The following SNX4 variants were observed in gnomAD, a reference collection of about 807,000 sequenced individuals.
SNX4 encodes sorting nexin 4.
A neutral mutation model predicts 70.8 loss-of-function variants in SNX4; 49 were observed. The observed-to-expected ratio is 0.69, with a 90% CI of 0.55 to 0.88. The LOEUF is 0.88. SNX4 is among the 40% of genes least tolerant of loss of function. SNX4 has a pLI of 0.00. For synonymous variants in SNX4, 206 were observed against 183.8 expected, an observed-to-expected ratio of 1.12 and a Z score of -0.98; for missense variants, 528 against 544.8, an observed-to-expected ratio of 0.97 and a Z score of 0.31.
chr3:125,509,839 A>C (rs1935133026), intron 1 of SNX4, among the ~76,000 whole-genome samples: 1 of 152,086 alleles, frequency 6.6e-6, no homozygotes, highest in Non-Finnish European at 1.5e-5. Flanking sequence ...TTTTCTGAAG[A>C]AGCACATGAA....
intron 7 of SNX4, among the ~76,000 whole-genome samples, chr3:125,479,892 C>G (rs76030193): frequency 0.048 from 7,322 of 152,100 alleles, 415 homozygotes; most frequent in African/African-American, 0.13. Context: ...ACAGGATGGC[C>G]TAACACCTAT....
intron 2 of SNX4, among the ~76,000 whole-genome samples, chr3:125,500,568 G>A (rs528394538): frequency 3.6e-4 from 55 of 152,056 alleles, no homozygotes; most frequent in African/African-American, 1.3e-3. Context: ...TTGGGAGGCC[G>A]AGGAGGGTGG....
intron 5 of SNX4, among the ~76,000 whole-genome samples, chr3:125,495,614 T>C (rs1934777020): frequency 1.3e-5 from 2 of 152,008 alleles, no homozygotes; most frequent in African/African-American, 4.8e-5. Flanking sequence ...AAGCAGCACC[T>C]ACACATAAGA....
chr3:125,454,301 G>A (rs1008717905), intron 11 of SNX4, among the ~76,000 whole-genome samples: 2 of 152,316 alleles, frequency 1.3e-5, no homozygotes, highest in African/African-American at 4.8e-5. Flanking sequence ...CCTGAGCTCT[G>A]CCTCCTGTCA....
rs1934845198 is a variant in SNX4 at position 125,498,192 on chromosome 3, G to A, written c.266C>T (p.Ser89Leu). Residue 89 changes from serine (S) to leucine (L), a missense_variant and splice_region_variant, in exon 3 of 14, where the codon TCA (serine) becomes TTA (leucine). Ser to Leu is a moderately radical substitution (Grantham distance 145). Around this residue, in one of 3 missense-constraint regions of SNX4, gnomAD observed 341 missense variants for 312.2 expected, o/e 1.09. Transcript: ENST00000251775. ...TYTAYLIETR[S>L]VEHTDGQSVL... ...ACTCTGACCATCGGTATGTTCAACTGACCTGAAAAGGAACAGAACAACACT... is the reference window on the plus strand; with the variant it reads ...ACTCTGACCATCGGTATGTTCAACTAACCTGAAAAGGAACAGAACAACACT... 1 of 1,612,464 alleles carries A rather than the reference G, an allele frequency of 6.2e-7. No individual in the cohort carries two copies. The highest frequency in any genetic ancestry group is 8.5e-7 in the Non-Finnish European group (1 of 1,179,434).
At chr3:125,492,408 T>C (rs1229177726) in intron 5 of SNX4, among the ~76,000 whole-genome samples, 1 of 152,058 alleles carries the variant, frequency 6.6e-6, no homozygotes, top group African/African-American at 2.4e-5. Flanking sequence ...TCCTGGTTTA[T>C]AACTGTTGTC....
At chr3:125,461,723 G>A (rs765517235) in intron 9 of SNX4, among the ~76,000 whole-genome samples, 9 of 151,172 alleles carry the variant, frequency 6.0e-5, no homozygotes, top group Admixed American at 3.3e-4. Context: ...GTGCAGTGGC[G>A]CGATCTTGGC....
intron 6 of SNX4, among the ~76,000 whole-genome samples, chr3:125,484,475 G>A (rs542119361): frequency 3.9e-5 from 6 of 152,090 alleles, no homozygotes; most frequent in African/African-American, 7.2e-5. Context: ...GGCTGCCCTC[G>A]AACTTCTGAC....
At position 125,447,705 on chromosome 3, in the gene SNX4, G is replaced by GTA. The variant is rs1933459383; in HGVS notation, c.*73_*74insTA. 6 of 1,017,534 alleles carry GTA rather than the reference G, an allele frequency of 5.9e-6. No homozygotes were observed. In the East Asian group the frequency reaches 1.5e-4, roughly 25 times the overall value. The allele number at this position is 1,017,534 out of a possible 1,614,324, so 63.0% of individuals were successfully genotyped here. On this transcript the variant is annotated 3_prime_UTR_variant, in exon 14 of 14. Coordinates refer to ENST00000251775, the MANE Select transcript of SNX4 (RefSeq NM_003794.4). ...TATATGTTTATGTATACTAGGTAGT[G>GTA]ACTTAAATTTCTTTTATTTACTTGT...
At position 125,504,712 on chromosome 3, in the gene SNX4, T is replaced by C; in HGVS notation, c.174A>G (p.Ile58Met). 5 of 1,613,926 alleles carry C rather than the reference T, an allele frequency of 3.1e-6. No homozygotes were observed. The highest frequency in any genetic ancestry group is 4.2e-6 in the Non-Finnish European group (5 of 1,179,932). Residue 58 changes from isoleucine (I) to methionine (M), a missense_variant, in exon 2 of 14, where the codon ATA becomes ATG. Coordinates refer to ENST00000251775, the MANE Select transcript of SNX4 (RefSeq NM_003794.4). The stretch of plus-strand genomic sequence containing the variant: ...TTTCTGCTTCTGAAACACTGATTTC[T>C]ATCTTCTTCAACCAAAAATTATTGT... ...MTHNNFWLKKIEISVSEAEKR... is the reference protein window; with the variant it reads ...MTHNNFWLKKMEISVSEAEKR...
chr3:125,519,952 C>A, intron 1 of SNX4, 80 bp downstream of exon 1: 1 of 1,114,940 alleles, frequency 9.0e-7, no homozygotes, highest in Non-Finnish European at 1.2e-6. Flanking sequence ...CGGCCCGGCC[C>A]AGCCCAGCCC....
At chr3:125,508,140 CA>C in intron 1 of SNX4, among the ~76,000 whole-genome samples, 1 of 152,132 alleles carries the variant, frequency 6.6e-6, no homozygotes, top group East Asian at 1.9e-4. Flanking sequence ...CTACCCAAAG[CA>C]ATCTATATAT....
rs150244710 is a variant in SNX4 at position 125,448,000 on chromosome 3, G to C, written c.1306-174C>G. Among the ~76,000 whole-genome samples the C allele has an allele frequency of 2.5e-3, 380 of 152,266 alleles. 1 individual carries two copies. Among genetic ancestry groups the C allele is most frequent in the African/African-American group, 8.3e-3 (344 of 41,554 alleles). ...AGCAAATGTCTAATGCTTCTGAAAA[G>C]AGAAACAGAATCTCTAATACGAACT... On this transcript the variant is annotated intron_variant, in intron 13 of 13. Transcript: ENST00000251775.
intron 8 of SNX4, among the ~76,000 whole-genome samples, chr3:125,475,131 A>G (rs1182921030): frequency 6.6e-6 from 1 of 152,174 alleles, no homozygotes; most frequent in South Asian, 2.1e-4. Flanking sequence ...GCTTCTTTTA[A>G]TTAAAAAAGT....
chr3:125,476,743 C>T lies in SNX4; in HGVS notation c.740G>A (p.Arg247Gln), dbSNP rs778205850. The change falls in exon 8 of 14, where the codon CGA becomes CAA. Residue 247 changes from arginine (R) to glutamine (Q), a missense_variant. Coordinates refer to ENST00000251775, the MANE Select transcript of SNX4 (RefSeq NM_003794.4). ...ATGTACTTTATATACACCATAGAGTCGATCTGCTACTCTCTGAAATAAATA... is the reference window on the plus strand; with the variant it reads ...ATGTACTTTATATACACCATAGAGTTGATCTGCTACTCTCTGAAATAAATA... ...LLRVRARVAD[R>Q]LYGVYKVHGN... The T allele has an allele frequency of 6.9e-6, 11 of 1,586,718 alleles. No individual in the cohort carries two copies. Among genetic ancestry groups the T allele is most frequent in the East Asian group, 2.2e-5 (1 of 44,518 alleles).
intron 7 of SNX4, among the ~76,000 whole-genome samples, chr3:125,479,422 C>G (rs1318458904): frequency 1.3e-5 from 2 of 151,996 alleles, no homozygotes; most frequent in Admixed American, 1.3e-4. Flanking sequence ...AGGCATGGTG[C>G]TGCATGCCTG....
intron 9 of SNX4, among the ~76,000 whole-genome samples, chr3:125,462,842 G>T (rs911915277): frequency 1.3e-5 from 2 of 152,168 alleles, no homozygotes; most frequent in Non-Finnish European, 2.9e-5. Flanking sequence ...CTTCGCCCAG[G>T]AAAGAATTCA....
intron 10 of SNX4, among the ~76,000 whole-genome samples, chr3:125,460,041 A>G (rs1933835832): frequency 6.6e-6 from 1 of 151,926 alleles, no homozygotes; most frequent in South Asian, 2.1e-4. Flanking sequence ...TAAAAATACA[A>G]AAATTAGCTG....
At chr3:125,518,592 G>C (rs1935328232) in intron 1 of SNX4, among the ~76,000 whole-genome samples, 1 of 152,162 alleles carries the variant, frequency 6.6e-6, no homozygotes, top group Non-Finnish European at 1.5e-5. Flanking sequence ...AGTCTTTCAG[G>C]CCGGGCACCA....
Sources: gnomAD v4.1 joint callset for allele counts (sites outside exome capture counted in the v4.1 genomes callset) on GRCh38, gnomAD v4.1.1 for gene constraint, gnomAD v4.1.1 regional missense constraint, MANE v1.5 for transcripts, NCBI Gene and HGNC (gene_info 2026-07-23, HGNC 2026-07-21) for gene names.